The following TFPT variants were observed in gnomAD, a reference collection of about 807,000 sequenced individuals.
The protein encoded by TFPT is TCF3 fusion partner, also known as INO80 complex subunit F.
A neutral mutation model predicts 28.8 loss-of-function variants in TFPT; 27 were observed. The observed-to-expected ratio is 0.94, with a 90% CI of 0.69 to 1.29. TFPT has a LOEUF of 1.29. Among genes scored for constraint, TFPT ranks in the 50% most tolerant of loss-of-function variants. The pLI is 0.00. For missense variants in TFPT, 330 were observed against 338.0 expected (o/e 0.98, Z 0.19); for synonymous variants, 152 against 142.8 (o/e 1.06, Z -0.46).
intron 2 of TFPT, among the ~76,000 whole-genome samples, chr19:54,112,014 GCA>G (rs1568570914): frequency 6.6e-6 from 1 of 152,022 alleles, no homozygotes; most frequent in Non-Finnish European, 1.5e-5. Flanking sequence ...CTCTGGCTTG[GCA>G]CAGTGGCTCA....
intron 5 of TFPT, chr19:54,107,601 G>C (rs1463160905): frequency 7.4e-6 from 2 of 269,318 alleles, no homozygotes; most frequent in Non-Finnish European, 1.4e-5. Flanking sequence ...TTACACCTCA[G>C]AGGCAATCCC....
chr19:54,113,572 C>A (rs189347018), intron 2 of TFPT, among the ~76,000 whole-genome samples: 4 of 152,248 alleles, frequency 2.6e-5, no homozygotes, highest in African/African-American at 9.6e-5. Context: ...GCTGTTCCTC[C>A]CCCATTTGAA....
chr19:54,108,118 C>CG lies in TFPT; in HGVS notation c.549dup (p.Gly184ArgfsTer2). ...CTCTTCCGCCCACTGGGCCCCTCAC[C>CG]GGGGGCTGGGCTGCCGGGTTCTGGG... On this transcript the variant is annotated frameshift_variant, in exon 5 of 6. Coordinates refer to ENST00000391759, the MANE Select transcript of TFPT (RefSeq NM_013342.4). LOFTEE classifies it high-confidence loss of function. The CG allele has an allele frequency of 6.3e-7, 1 of 1,575,722 alleles. No homozygotes were observed. Among genetic ancestry groups the CG allele is most frequent in the Non-Finnish European group, 8.6e-7 (1 of 1,160,706 alleles).
At chr19:54,109,994 C>A in intron 3 of TFPT, 57 bp downstream of exon 3, 1 of 1,565,220 alleles carries the variant, frequency 6.4e-7, no homozygotes, top group Non-Finnish European at 8.8e-7. Flanking sequence ...GACAGAGGGG[C>A]TGGGAGCATT....
chr19:54,108,598 G>A, intron 3 of TFPT: 1 of 1,550,640 alleles, frequency 6.4e-7, no homozygotes, highest in Non-Finnish European at 8.7e-7. Flanking sequence ...CAACCATTCT[G>A]AGGCTGAGTT....
chr19:54,113,222 CAAAT>C (rs2146368639), intron 2 of TFPT, among the ~76,000 whole-genome samples: 1 of 151,102 alleles, frequency 6.6e-6, no homozygotes, highest in South Asian at 2.1e-4. Context: ...TAATCAAGTT[CAAAT>C]GAAGCCAGTG....
chr19:54,109,285 C>T (rs868806459), intron 3 of TFPT: 1 of 152,668 alleles, frequency 6.6e-6, no homozygotes, highest in Non-Finnish European at 1.5e-5. Flanking sequence ...CTGGGAGCCG[C>T]AGGTTTCAGC....
At chr19:54,111,469 G>A (rs1288518365) in intron 2 of TFPT, among the ~76,000 whole-genome samples, 3 of 148,762 alleles carry the variant, frequency 2.0e-5, no homozygotes, top group African/African-American at 2.5e-5. Context: ...AGACCAGCCC[G>A]GCCAACATGA....
In TFPT at chr19:54,108,337, T is replaced by C; in HGVS notation, c.412A>G (p.Ile138Val). ...GGCCCAACACTCACCTCCAGCACAA[T>C]GGTGAACTGGCTGGCCCGGTAGTCA... The part of the protein sequence containing the change: ...GDDYRASQFT[I>V]VLEDEGSQGT... Residue 138 changes from isoleucine (I) to valine (V), a missense_variant, in exon 4 of 6, where the codon ATT becomes GTT. By Grantham distance (29) the Ile-to-Val change is conservative (BLOSUM62 3). Transcript: ENST00000391759. 1.2e-6 allele frequency: 2 copies of C among 1,606,942 alleles called. No homozygotes were observed. The highest frequency in any genetic ancestry group is 1.1e-5 in the South Asian group (1 of 90,004).
chr19:54,108,969 A>G (rs1424718592), intron 3 of TFPT: 1 of 189,116 alleles, frequency 5.3e-6, no homozygotes, highest in African/African-American at 2.4e-5. Context: ...AATTTGGCTC[A>G]CCACAACCTC....
chr19:54,108,395 C>A lies in TFPT; in HGVS notation c.354G>T (p.Arg118Ser). Residue 118 changes from arginine (R) to serine (S), a missense_variant and splice_region_variant, in exon 4 of 6, where the codon AGG (arginine) becomes AGT (serine). Physicochemically the swap from Arg to Ser is moderately radical, Grantham distance 110. Coordinates refer to ENST00000391759, the MANE Select transcript of TFPT (RefSeq NM_013342.4). The part of the protein sequence containing the change: ...RITRRLQQER[R>S]FLMRVLDSYG... ...AGGAGTCCAGCACTCTCATGAGGAACCTGCTCAGGGGGAGAAGCCACCAAC... is the reference window on the plus strand; with the variant it reads ...AGGAGTCCAGCACTCTCATGAGGAAACTGCTCAGGGGGAGAAGCCACCAAC... The A allele has an allele frequency of 6.2e-7, 1 of 1,613,882 alleles. No individual in the cohort carries two copies. The highest frequency in any genetic ancestry group is 2.2e-5 in the East Asian group (1 of 44,882).
chr19:54,108,249 C>T lies in TFPT; in HGVS notation c.424-5G>A, dbSNP rs143494266. Reference sequence around the variant, plus strand: ...CGTGCCCTGGCTGCCCTCATCCTGGCAGGCAGGAGGGGGAGGTAGGTGATG... The same window carrying T: ...CGTGCCCTGGCTGCCCTCATCCTGGTAGGCAGGAGGGGGAGGTAGGTGATG... On this transcript the variant is annotated splice_polypyrimidine_tract_variant and splice_region_variant and intron_variant, in intron 4 of 5. Coordinates refer to ENST00000391759, the MANE Select transcript of TFPT (RefSeq NM_013342.4). 3.2e-5 allele frequency: 51 copies of T among 1,583,808 alleles called. No individual in the cohort carries two copies. The African/African-American group carries it at 6.2e-4, about 19-fold the overall frequency.
chr19:54,109,878 C>CCCTCAGTCCCAGTG (rs1600297013), intron 3 of TFPT, among the ~76,000 whole-genome samples, 173 bp downstream of exon 3: 23 of 150,708 alleles, frequency 1.5e-4, no homozygotes, highest in African/African-American at 2.0e-4. Flanking sequence ...GCCCTCTCCT[C>CCCTCAGTCCCAGTG]CAACACCGAA....
At position 54,115,450 on chromosome 19, in the gene TFPT, T is replaced by C. The variant is rs2073599391; in HGVS notation, c.-181A>G. The C allele has an allele frequency of 8.0e-6, 6 of 747,430 alleles. No homozygotes were observed. The South Asian group carries it at 8.5e-5, about 11-fold the overall frequency. 46.3% of individuals were successfully genotyped at this position (747,430 alleles called of 1,614,324 possible). A position where few individuals can be genotyped will look rare whatever the true frequency, so the allele number is the denominator to read the frequency against. ...GGCTTCGCTTCGGCCCACCCCCACG[T>C]CCACCCCGAATCCCTGCTTAAAGGC... On this transcript the variant is annotated 5_prime_UTR_variant, in exon 1 of 6. Transcript: ENST00000391759.
At chr19:54,115,085 TCCC>T in intron 1 of TFPT, 159 bp downstream of exon 1, 1 of 1,087,780 alleles carries the variant, frequency 9.2e-7, no homozygotes, top group Non-Finnish European at 1.3e-6. Flanking sequence ...AACCTTCTCC[TCCC>T]TCAGGATGAC....
rs1434803502 is a variant in TFPT at position 54,108,121 on chromosome 19, G to A, written c.547C>T (p.Pro183Ser). The A allele has an allele frequency of 6.3e-7, 1 of 1,578,554 alleles. No individual in the cohort carries two copies. The highest frequency in any genetic ancestry group is 8.6e-7 in the Non-Finnish European group (1 of 1,161,978). Residue 183 changes from proline to serine, a missense_variant, in exon 5 of 6, where the codon CCC becomes TCC. By Grantham distance (74) the Pro-to-Ser change is moderately conservative (BLOSUM62 -1). Coordinates refer to ENST00000391759, the MANE Select transcript of TFPT (RefSeq NM_013342.4). ...PAPPEPGSPA[P>S]GEGPSGRKRR... ...TTCCGCCCACTGGGCCCCTCACCGG[G>A]GGCTGGGCTGCCGGGTTCTGGGGGT...
chr19:54,114,790 C>G (rs1173635480), intron 1 of TFPT, 90 bp from the exon 2 acceptor site: 1 of 1,500,362 alleles, frequency 6.7e-7, no homozygotes, highest in Non-Finnish European at 8.8e-7. Context: ...CCAACCCCTC[C>G]TCCCTGAGAT....
chr19:54,108,381 A>G lies in TFPT; in HGVS notation c.368T>C (p.Val123Ala). ...LQQERRFLMR[V>A]LDSYGDDYRA... ...GTAGTCATCCCCGTAGGAGTCCAGCACTCTCATGAGGAACCTGCTCAGGGG... is the reference window on the plus strand; with the variant it reads ...GTAGTCATCCCCGTAGGAGTCCAGCGCTCTCATGAGGAACCTGCTCAGGGG... Residue 123 changes from valine (V) to alanine (A), a missense_variant, in exon 4 of 6, where the codon GTG becomes GCG. By Grantham distance (64) the Val-to-Ala change is moderately conservative (BLOSUM62 0). Transcript: ENST00000391759. 1 of 1,613,388 alleles carries G rather than the reference A, an allele frequency of 6.2e-7. No individual in the cohort carries two copies. Among genetic ancestry groups the G allele is most frequent in the African/African-American group, 1.3e-5 (1 of 74,976 alleles).
intron 1 of TFPT, 25 bp from the exon 2 acceptor site, chr19:54,114,725 G>A (rs1278548171): frequency 5.0e-6 from 8 of 1,598,742 alleles, no homozygotes; most frequent in Non-Finnish European, 6.0e-6. Context: ...AAGGCTCAGG[G>A]GCCCTGGATC....
Sources: gnomAD v4.1 joint callset for allele counts (sites outside exome capture counted in the v4.1 genomes callset) on GRCh38, gnomAD v4.1.1 for gene constraint, MANE v1.5 for transcripts, NCBI Gene and HGNC (gene_info 2026-07-23, HGNC 2026-07-21) for gene names.